Variants in NFIL3 observed in about 807,000 individuals in gnomAD.
NFIL3 encodes nuclear factor, interleukin 3 regulated, also known as nuclear factor interleukin-3-regulated protein.
In NFIL3, 5 loss-of-function variants were observed where a neutral mutation model predicts 10.0. That is an observed-to-expected ratio of 0.50 (90% confidence interval 0.26 to 1.06). The LOEUF (loss-of-function observed/expected upper bound fraction) is 1.06, where lower values mean the gene tolerates loss of function less well. Among genes scored for constraint, NFIL3 ranks in the 50% least tolerant of loss-of-function variants. The probability of loss-of-function intolerance (pLI) is 0.13; values close to 1 mark genes in which losing one functional copy is unlikely to be tolerated. For missense variants in NFIL3, 436 were observed against 547.6 expected, an observed-to-expected ratio of 0.80 and a Z score of 2.03; for synonymous variants, 202 against 206.5, an observed-to-expected ratio of 0.98 and a Z score of 0.19.
At chr9:91,434,140 C>G in the NFIL3 span, among the ~76,000 whole-genome samples, 6 of 152,102 alleles carry the variant, frequency 3.9e-5, no homozygotes, top group African/African-American at 1.4e-4. Context: ...TCAGGCCAGA[C>G]ACAGTGACTC....
At chr9:91,471,717 T>G in the NFIL3 span, among the ~76,000 whole-genome samples, 1 of 152,144 alleles carries the variant, frequency 6.6e-6, no homozygotes, top group African/African-American at 2.4e-5. Context: ...AAGGTTAATA[T>G]TGTTATGAGT....
the NFIL3 span, among the ~76,000 whole-genome samples, chr9:91,449,834 A>AT: frequency 6.6e-6 from 1 of 151,868 alleles, no homozygotes; most frequent in Admixed American, 6.6e-5. Context: ...CTGGTCCTGG[A>AT]TTTTTCTTTG....
chr9:91,479,287 G>A, the NFIL3 span, among the ~76,000 whole-genome samples: 1 of 152,186 alleles, frequency 6.6e-6, no homozygotes, highest in Non-Finnish European at 1.5e-5. Context: ...GGAGATGGGA[G>A]TTTTATCTGT....
chr9:91,456,271 G>A, the NFIL3 span, among the ~76,000 whole-genome samples: 23 of 152,256 alleles, frequency 1.5e-4, no homozygotes, highest in African/African-American at 5.5e-4. Flanking sequence ...CAGTCACATT[G>A]TAGGTTAATG....
the NFIL3 span, among the ~76,000 whole-genome samples, chr9:91,475,015 T>TGA: frequency 6.6e-6 from 1 of 152,220 alleles, no homozygotes; most frequent in Admixed American, 6.5e-5. Context: ...TCTTGCCCTG[T>TGA]GAGACCTACT....
the NFIL3 span, among the ~76,000 whole-genome samples, chr9:91,443,020 C>T: frequency 2.4e-3 from 369 of 152,262 alleles, 1 homozygote; most frequent in Non-Finnish European, 3.5e-3. Flanking sequence ...AGACTAGCTT[C>T]ACTGAATGAC....
chr9:91,416,212 C>T (rs1297542123), intron 1 of NFIL3, among the ~76,000 whole-genome samples: 1 of 148,438 alleles, frequency 6.7e-6, no homozygotes, highest in Admixed American at 6.7e-5. Flanking sequence ...CAACATGAGG[C>T]GGGGGACAGT....
the NFIL3 span, among the ~76,000 whole-genome samples, chr9:91,467,764 C>T: frequency 1.4e-3 from 212 of 151,822 alleles, no homozygotes; most frequent in Non-Finnish European, 2.0e-3. Flanking sequence ...TCAATTCCCA[C>T]CTATGAGTGA....
At chr9:91,414,160 C>CT (rs1833608560) in intron 1 of NFIL3, among the ~76,000 whole-genome samples, 1 of 152,312 alleles carries the variant, frequency 6.6e-6, no homozygotes, top group Non-Finnish European at 1.5e-5. Flanking sequence ...ACTACTTTAT[C>CT]ATCTCTACAA....
chr9:91,428,326 C>T (rs1376509760), upstream of NFIL3, among the ~76,000 whole-genome samples: 1 of 152,134 alleles, frequency 6.6e-6, no homozygotes, highest in Non-Finnish European at 1.5e-5. Flanking sequence ...TTCCTTCATT[C>T]CCCCAAACAT....
At chr9:91,469,285 T>C in the NFIL3 span, among the ~76,000 whole-genome samples, 14 of 152,286 alleles carry the variant, frequency 9.2e-5, no homozygotes, top group African/African-American at 3.4e-4. Context: ...TTATTCTCTT[T>C]GAAGCAATTG....
At chr9:91,450,075 C>T in the NFIL3 span, among the ~76,000 whole-genome samples, 103 of 152,048 alleles carry the variant, frequency 6.8e-4, no homozygotes, top group African/African-American at 2.4e-3. Flanking sequence ...TGGCTTTAGT[C>T]ATTTGTATCT....
chr9:91,482,240 T>C, the NFIL3 span, among the ~76,000 whole-genome samples: 2 of 152,148 alleles, frequency 1.3e-5, no homozygotes, highest in African/African-American at 4.8e-5. Flanking sequence ...CTACAAGAAG[T>C]GTGAAAGGCA....
intron 1 of NFIL3, among the ~76,000 whole-genome samples, chr9:91,423,006 T>C (rs1046537604): frequency 1.3e-5 from 2 of 152,158 alleles, no homozygotes; most frequent in Non-Finnish European, 2.9e-5. Context: ...TTATGCAATG[T>C]ATGAAAGGAC....
the NFIL3 span, among the ~76,000 whole-genome samples, chr9:91,477,541 C>G: frequency 6.6e-6 from 1 of 152,180 alleles, no homozygotes; most frequent in East Asian, 1.9e-4. Context: ...CTCACCACAA[C>G]TTCTAAGAAA....
chr9:91,434,723 C>T, the NFIL3 span, among the ~76,000 whole-genome samples: 1 of 151,976 alleles, frequency 6.6e-6, no homozygotes, highest in Admixed American at 6.6e-5. Context: ...AAATCAACAT[C>T]CAATAGGAAA....
the NFIL3 span, among the ~76,000 whole-genome samples, chr9:91,457,821 C>T: frequency 3.3e-5 from 5 of 152,084 alleles, no homozygotes; most frequent in East Asian, 7.7e-4. Context: ...TGTAGGTACT[C>T]TTTTTAAGTT....
Position 91,409,212 on chromosome 9 carries a change from C to T in NFIL3, c.*134G>A, listed in dbSNP as rs1587960025. Reference sequence around the variant, plus strand: ...TCATCATAATCTGTGCACAAAAAGACACCAAACAGACAACATGTGCACATC... The same window carrying T: ...TCATCATAATCTGTGCACAAAAAGATACCAAACAGACAACATGTGCACATC... On this transcript the variant is annotated 3_prime_UTR_variant, in exon 2 of 2. Transcript: ENST00000297689. The T allele has an allele frequency of 1.2e-6, 1 of 816,258 alleles. No individual in the cohort carries two copies. Among genetic ancestry groups the T allele is most frequent in the African/African-American group, 1.7e-5 (1 of 57,994 alleles). The allele number at this position is 816,258 out of a possible 1,614,324, so 50.6% of individuals were successfully genotyped here. A position where few individuals can be genotyped will look rare whatever the true frequency, so the allele number is the denominator to read the frequency against.
chr9:91,470,344 G>A, the NFIL3 span, among the ~76,000 whole-genome samples: 1 of 148,784 alleles, frequency 6.7e-6, no homozygotes, highest in Non-Finnish European at 1.5e-5. Context: ...ATTCTCTGAT[G>A]GTAGTTTGTA....
Sources: allele counts gnomAD v4.1 joint callset (sites outside exome capture counted in the v4.1 genomes callset), GRCh38; gene constraint gnomAD v4.1.1; transcripts MANE v1.5; gene names NCBI Gene and HGNC (gene_info 2026-07-23, HGNC 2026-07-21).